Variants in IL1RAPL2 observed in about 807,000 individuals in gnomAD.
IL1RAPL2 encodes the protein interleukin 1 receptor accessory protein like 2, also known as X-linked interleukin-1 receptor accessory protein-like 2.
IL1RAPL2 carries 3 observed loss-of-function variants against 44.1 expected under a neutral mutation model. The ratio of observed to expected loss-of-function variants is 0.07; its 90% confidence interval spans 0.03 to 0.18. IL1RAPL2 has a LOEUF of 0.18. Among genes scored for constraint, IL1RAPL2 ranks in the 10% least tolerant of loss-of-function variants. IL1RAPL2 has a pLI of 1.00. For synonymous variants in IL1RAPL2, 181 were observed against 178.8 expected (o/e 1.01, Z -0.10); for missense variants, 391 against 496.4 (o/e 0.79, Z 2.02).
intron 2 of IL1RAPL2, among the ~76,000 whole-genome samples, chrX:104,834,856 G>A (rs1410403273): frequency 1.8e-5 from 2 of 111,605 alleles, no homozygotes; most frequent in African/African-American, 6.5e-5. Context: ...GAAAAAGCAA[G>A]CTGCTTCTTT....
intron 6 of IL1RAPL2, among the ~76,000 whole-genome samples, chrX:105,551,982 T>C (rs1263427690): frequency 9.1e-6 from 1 of 109,930 alleles, no homozygotes; most frequent in Non-Finnish European, 1.9e-5. Flanking sequence ...GGCGGGCGCC[T>C]GCAGTCCCAG....
intron 1 of IL1RAPL2, among the ~76,000 whole-genome samples, chrX:104,612,656 A>G (rs1209002760): frequency 2.8e-5 from 3 of 106,434 alleles, no homozygotes; most frequent in East Asian, 3.1e-4. Context: ...TGGGTAGTCA[A>G]TCTCTTTTTT....
intron 2 of IL1RAPL2, among the ~76,000 whole-genome samples, chrX:105,193,805 T>C (rs1485111878): frequency 3.6e-5 from 4 of 112,032 alleles, no homozygotes; most frequent in African/African-American, 1.3e-4. Flanking sequence ...CTCTGAATCC[T>C]CGAAGAAAGT....
chrX:105,581,749 C>G (rs1431909950), intron 6 of IL1RAPL2, among the ~76,000 whole-genome samples: 1 of 111,362 alleles, frequency 9.0e-6, no homozygotes, highest in Non-Finnish European at 1.9e-5. Flanking sequence ...CATTGTTATA[C>G]TGCTTTCCAG....
chrX:104,673,413 T>C (rs1270706483), intron 2 of IL1RAPL2, among the ~76,000 whole-genome samples: 2 of 111,051 alleles, frequency 1.8e-5, no homozygotes, highest in South Asian at 3.8e-4. Context: ...GTTGTAGATA[T>C]GCGGCGTTAT....
chrX:105,000,982 A>G (rs891842947), intron 2 of IL1RAPL2, among the ~76,000 whole-genome samples: 1 of 111,708 alleles, frequency 9.0e-6, no homozygotes, highest in Non-Finnish European at 1.9e-5. Flanking sequence ...ATCAGAGGAA[A>G]TATTAATAGA....
At chrX:105,356,051 G>A (rs1459055212) in intron 5 of IL1RAPL2, among the ~76,000 whole-genome samples, 2 of 110,861 alleles carry the variant, frequency 1.8e-5, no homozygotes, top group Non-Finnish European at 3.8e-5. Context: ...GGTTAAATAC[G>A]ATTTTACAAA....
At chrX:105,516,985 G>A (rs1353578368) in intron 6 of IL1RAPL2, among the ~76,000 whole-genome samples, 1 of 111,778 alleles carries the variant, frequency 8.9e-6, no homozygotes, top group African/African-American at 3.2e-5. Context: ...AGCTAGGATA[G>A]TATTAGTAAG....
rs143642899 is a variant in IL1RAPL2 at position 104,662,514 on chromosome X, T to C, written c.82+3519T>C. On this transcript the variant is annotated intron_variant, in intron 2 of 10. Coordinates refer to ENST00000372582, the MANE Select transcript of IL1RAPL2 (RefSeq NM_017416.2). ...AAAACAAGTTTACTTAAAGGTGTCA[T>C]TCTTTATGTCAGGAAATTGGCTAAT... Among the ~76,000 whole-genome samples, 132 of 111,553 alleles carry C rather than the reference T, an allele frequency of 1.2e-3. 1 individual carries two copies. Among genetic ancestry groups the C allele is most frequent in the African/African-American group, 4.1e-3 (127 of 30,727 alleles).
intron 5 of IL1RAPL2, among the ~76,000 whole-genome samples, chrX:105,367,242 T>G (rs1171048920): frequency 8.9e-6 from 1 of 111,806 alleles, no homozygotes; most frequent in Non-Finnish European, 1.9e-5. Context: ...GAGTGTCTTG[T>G]AGGCAGCATG....
intron 5 of IL1RAPL2, among the ~76,000 whole-genome samples, chrX:105,309,851 A>G (rs1269300835): frequency 8.9e-6 from 1 of 111,873 alleles, no homozygotes; most frequent in African/African-American, 3.2e-5. Flanking sequence ...TATTATGCAA[A>G]TATTTTCTGT....
intron 2 of IL1RAPL2, among the ~76,000 whole-genome samples, chrX:104,835,450 G>A (rs781313523): frequency 1.2e-4 from 13 of 111,401 alleles, no homozygotes; most frequent in Non-Finnish European, 2.3e-4. Flanking sequence ...ATGTGGCCAA[G>A]TTTATGTCTT....
chrX:105,230,458 C>T (rs2034058919), intron 3 of IL1RAPL2, among the ~76,000 whole-genome samples: 1 of 106,863 alleles, frequency 9.4e-6, no homozygotes, highest in African/African-American at 3.4e-5. Context: ...GTATATTATA[C>T]ATATATGCAT....
At chrX:104,654,716 A>T (rs1379362738) in intron 1 of IL1RAPL2, among the ~76,000 whole-genome samples, 1 of 111,306 alleles carries the variant, frequency 9.0e-6, no homozygotes, top group Non-Finnish European at 1.9e-5. Context: ...GAAGAAAGTC[A>T]TTGGTAGGTT....
chrX:105,085,272 C>T (rs781476317), intron 2 of IL1RAPL2, among the ~76,000 whole-genome samples: 1 of 112,085 alleles, frequency 8.9e-6, no homozygotes, highest in East Asian at 2.8e-4. Context: ...ATAAGCCATA[C>T]ATCTGATAAG....
intron 2 of IL1RAPL2, among the ~76,000 whole-genome samples, chrX:105,176,002 G>A (rs771003891): frequency 1.8e-5 from 2 of 110,534 alleles, no homozygotes; most frequent in Admixed American, 1.9e-4. Flanking sequence ...TAATAATAAC[G>A]TAAACACAAA....
intron 3 of IL1RAPL2, among the ~76,000 whole-genome samples, chrX:105,228,503 T>A (rs1741717577): frequency 8.9e-6 from 1 of 111,963 alleles, no homozygotes; most frequent in South Asian, 3.7e-4. Flanking sequence ...TTTACTTTTC[T>A]CCCCAGAGAA....
intron 2 of IL1RAPL2, among the ~76,000 whole-genome samples, chrX:104,945,448 C>T (rs1925318614): frequency 9.0e-6 from 1 of 110,975 alleles, no homozygotes; most frequent in Non-Finnish European, 1.9e-5. Context: ...ATAATATATA[C>T]TCATAACTAA....
At chrX:104,707,404 AAG>A (rs1189623948) in intron 2 of IL1RAPL2, among the ~76,000 whole-genome samples, 1 of 111,792 alleles carries the variant, frequency 8.9e-6, no homozygotes, top group East Asian at 2.8e-4. Context: ...CCTAGTATGA[AAG>A]AGTTCCAACA....
Sources: gnomAD v4.1 joint callset for allele counts (sites outside exome capture counted in the v4.1 genomes callset) on GRCh38, gnomAD v4.1.1 for gene constraint, MANE v1.5 for transcripts, NCBI Gene and HGNC (gene_info 2026-07-23, HGNC 2026-07-21) for gene names.